The following LOC128092252 variants were observed in gnomAD, a reference collection of about 807,000 sequenced individuals.
At chr15:50,683,911 G>C in the LOC128092252 span, among the ~76,000 whole-genome samples, 1 of 151,318 alleles carries the variant, frequency 6.6e-6, no homozygotes, top group Non-Finnish European at 1.5e-5. Flanking sequence ...ACCCAGGCTG[G>C]AGTGAATGGC....
At chr15:50,655,576 A>T in the LOC128092252 span, among the ~76,000 whole-genome samples, 1 of 152,144 alleles carries the variant, frequency 6.6e-6, no homozygotes. Flanking sequence ...CCAAAGGAAT[A>T]GAAAAAAAAA....
chr15:50,681,394 C>A, the LOC128092252 span, among the ~76,000 whole-genome samples: 99 of 152,242 alleles, frequency 6.5e-4, no homozygotes, highest in Middle Eastern at 0.014. Flanking sequence ...AGAGTATCTT[C>A]CGGGTACTGG....
the LOC128092252 span, among the ~76,000 whole-genome samples, chr15:50,669,959 C>T: frequency 0.55 from 84,325 of 151,948 alleles, 23,534 homozygotes; most frequent in Admixed American, 0.62. Context: ...TTATGGAATA[C>T]ATTGCTGTTG....
the LOC128092252 span, among the ~76,000 whole-genome samples, chr15:50,653,989 C>CTAGGACTTAGGTATCCTTGA: frequency 6.6e-6 from 1 of 152,082 alleles, no homozygotes; most frequent in Admixed American, 6.6e-5. Context: ...GAGGAAGGTC[C>CTAGGACTTAGGTATCCTTGA]ACATCCTAGG....
chr15:50,679,529 T>TATATATGTGTATATATATA, the LOC128092252 span, among the ~76,000 whole-genome samples: 1 of 51,756 alleles, frequency 1.9e-5, no homozygotes, highest in Non-Finnish European at 3.8e-5. Context: ...TATATATATA[T>TATATATGTGTATATATATA]ATATATATAT....
At chr15:50,686,465 A>C in the LOC128092252 span, 3 of 1,613,594 alleles carry the variant, frequency 1.9e-6, no homozygotes, top group African/African-American at 4.0e-5. Flanking sequence ...CTTGCCTGCC[A>C]AGTCTCTCCT....
At chr15:50,684,617 G>A in the LOC128092252 span, among the ~76,000 whole-genome samples, 2 of 151,854 alleles carry the variant, frequency 1.3e-5, no homozygotes, top group Admixed American at 6.6e-5. Context: ...CTCAGCCTGG[G>A]CAACAGAGCG....
chr15:50,649,480 A>T, the LOC128092252 span, among the ~76,000 whole-genome samples: 1 of 152,072 alleles, frequency 6.6e-6, no homozygotes, highest in Non-Finnish European at 1.5e-5. Context: ...ATACTATCCA[A>T]TAATAAAGAG....
At chr15:50,686,458 G>C in the LOC128092252 span, 24 of 1,612,796 alleles carry the variant, frequency 1.5e-5, no homozygotes, top group African/African-American at 4.0e-5. Flanking sequence ...CCACACACTT[G>C]CCTGCCAAGT....
chr15:50,666,517 A>G, the LOC128092252 span, among the ~76,000 whole-genome samples: 1 of 151,864 alleles, frequency 6.6e-6, no homozygotes, highest in Non-Finnish European at 1.5e-5. Context: ...GGAAAAAGAA[A>G]AAGAGGCCGG....
the LOC128092252 span, among the ~76,000 whole-genome samples, chr15:50,656,742 A>G: frequency 3.3e-5 from 5 of 151,996 alleles, no homozygotes; most frequent in Admixed American, 3.3e-4. Context: ...CCACCCAGAG[A>G]CCTTCTCTTC....
the LOC128092252 span, among the ~76,000 whole-genome samples, chr15:50,674,434 T>C: frequency 1.3e-5 from 2 of 152,326 alleles, no homozygotes; most frequent in South Asian, 4.1e-4. Context: ...ACCCAGCCAG[T>C]GCCTGGTTTC....
chr15:50,657,474 A>G, the LOC128092252 span, among the ~76,000 whole-genome samples: 102 of 152,282 alleles, frequency 6.7e-4, 1 homozygote, highest in African/African-American at 2.2e-3. Flanking sequence ...TCCATCTTAC[A>G]TTCTGCAGTT....
At chr15:50,659,244 G>C in the LOC128092252 span, among the ~76,000 whole-genome samples, 1 of 151,538 alleles carries the variant, frequency 6.6e-6, no homozygotes, top group African/African-American at 2.4e-5. Context: ...ATAAGTTACA[G>C]TCACAGTGGG....
the LOC128092252 span, among the ~76,000 whole-genome samples, chr15:50,684,043 G>T: frequency 6.6e-6 from 1 of 152,024 alleles, no homozygotes; most frequent in South Asian, 2.1e-4. Flanking sequence ...GTAGAGACGG[G>T]GTTTCACCAT....
At chr15:50,667,230 A>C in the LOC128092252 span, among the ~76,000 whole-genome samples, 1 of 152,164 alleles carries the variant, frequency 6.6e-6, no homozygotes, top group Non-Finnish European at 1.5e-5. Flanking sequence ...GTGCCTGATT[A>C]CTAGGCCCTA....
the LOC128092252 span, among the ~76,000 whole-genome samples, chr15:50,664,023 C>T: frequency 5.9e-5 from 9 of 151,826 alleles, no homozygotes; most frequent in South Asian, 2.1e-4. Context: ...GATTTGGCCG[C>T]GTGCGGTGGC....
At chr15:50,686,237 G>A in the LOC128092252 span, among the ~76,000 whole-genome samples, 2 of 152,234 alleles carry the variant, frequency 1.3e-5, no homozygotes, top group Admixed American at 6.5e-5. Context: ...AGCCCAGCCA[G>A]GTAGTCCCGG....
At chr15:50,671,253 T>C in the LOC128092252 span, among the ~76,000 whole-genome samples, 9 of 152,150 alleles carry the variant, frequency 5.9e-5, no homozygotes, top group Admixed American at 3.3e-4. Context: ...CATCCAGAAA[T>C]TGAACTTTTA....
Sources: gnomAD v4.1 joint callset for allele counts (sites outside exome capture counted in the v4.1 genomes callset) on GRCh38, gnomAD v4.1.1 for gene constraint, MANE v1.5 for transcripts.